NCKAP5: variants seen among roughly 807,000 people sequenced by gnomAD.
The protein encoded by NCKAP5 is nck-associated protein 5.
In NCKAP5, 92 loss-of-function variants were observed where a neutral mutation model predicts 167.0. That is an observed-to-expected ratio of 0.55 (90% CI 0.47 to 0.66). The LOEUF (loss-of-function observed/expected upper bound fraction) is 0.66, where lower values mean the gene tolerates loss of function less well. Among genes scored for constraint, NCKAP5 ranks in the 30% least tolerant of loss-of-function variants. The pLI, the probability that NCKAP5 is intolerant of heterozygous loss-of-function variation, is 0.00. For synonymous variants in NCKAP5, 891 were observed against 877.4 expected (o/e 1.02, Z -0.27); for missense variants, 2,378 against 2,315.0 (o/e 1.03, Z -0.56).
chr2:132,993,504 C>T (rs961073883), intron 7 of NCKAP5, among the ~76,000 whole-genome samples: 2 of 152,154 alleles, frequency 1.3e-5, no homozygotes, highest in African/African-American at 4.8e-5. Flanking sequence ...CTCTTTGGAC[C>T]TCTTTAGACT....
At chr2:132,932,068 C>T (rs115607441) in intron 8 of NCKAP5, among the ~76,000 whole-genome samples, 1,839 of 152,296 alleles carry the variant, frequency 0.012, 31 homozygotes, top group African/African-American at 0.042. Flanking sequence ...CCACTCAGGG[C>T]GCTCCTCACT....
At chr2:132,793,922 T>C (rs1027191875) in intron 12 of NCKAP5, among the ~76,000 whole-genome samples, 3 of 152,066 alleles carry the variant, frequency 2.0e-5, no homozygotes, top group African/African-American at 4.8e-5. Context: ...TCCCCTACAG[T>C]TTCCTTCGTC....
At chr2:132,825,250 CAT>C (rs757366797) in intron 11 of NCKAP5, among the ~76,000 whole-genome samples, 3 of 152,160 alleles carry the variant, frequency 2.0e-5, no homozygotes, top group Admixed American at 6.5e-5. Flanking sequence ...GCTAATGAAA[CAT>C]AGCATGTTCA....
intron 3 of NCKAP5, among the ~76,000 whole-genome samples, chr2:133,493,978 C>T (rs1681701138): frequency 6.6e-6 from 1 of 152,196 alleles, no homozygotes; most frequent in African/African-American, 2.4e-5. Context: ...GACTTTCTTG[C>T]TTGTCCAAGA....
In NCKAP5 at chr2:133,044,182, T is replaced by C. The variant is rs377732884; in HGVS notation, c.342-49943A>G. On this transcript the variant is annotated intron_variant, in intron 6 of 19. Transcript: ENST00000409261. ...ACAGGATATTTTTATGAATCTAAGG[T>C]TGTAAATATTCCTTAAGCAGAATCG... is the stretch of plus-strand genomic sequence containing the variant. Among the ~76,000 whole-genome samples the C allele has an allele frequency of 2.0e-5, 3 of 152,238 alleles. No homozygotes were observed. In the East Asian group the frequency reaches 5.8e-4, roughly 29 times the overall value.
intron 2 of NCKAP5, among the ~76,000 whole-genome samples, chr2:133,533,684 C>T (rs978865190): frequency 7.2e-5 from 11 of 152,102 alleles, no homozygotes; most frequent in Admixed American, 5.9e-4. Context: ...AATGTGGAAG[C>T]AATTATCATA....
chr2:132,757,345 T>C (rs1680636072), intron 16 of NCKAP5, among the ~76,000 whole-genome samples: 1 of 152,216 alleles, frequency 6.6e-6, no homozygotes, highest in African/African-American at 2.4e-5. Context: ...GATTTCTCTT[T>C]AGAAGCAGTA....
At chr2:132,856,106 T>C (rs901117558) in intron 11 of NCKAP5, among the ~76,000 whole-genome samples, 5 of 152,140 alleles carry the variant, frequency 3.3e-5, no homozygotes, top group African/African-American at 7.2e-5. Context: ...AAAGCTTGCA[T>C]AGACCACTGA....
chr2:133,162,944 C>T (rs2083857452), intron 5 of NCKAP5, among the ~76,000 whole-genome samples: 2 of 152,232 alleles, frequency 1.3e-5, no homozygotes, highest in African/African-American at 4.8e-5. Context: ...ATAAAGATGG[C>T]ACTAGAGAAC....
Position 133,007,635 on chromosome 2 carries a change from C to T in NCKAP5, c.342-13396G>A, listed in dbSNP as rs961034934. On this transcript the variant is annotated intron_variant, in intron 6 of 19. Coordinates refer to ENST00000409261, the MANE Select transcript of NCKAP5 (RefSeq NM_207363.3). Reference sequence around the variant, plus strand: ...GAGCAGCAGGGTAGTCACTTTTCTTCCATGGGTAGGGGGTCTATGTCCTGG... The same window carrying T: ...GAGCAGCAGGGTAGTCACTTTTCTTTCATGGGTAGGGGGTCTATGTCCTGG... 2.6e-5 allele frequency among the ~76,000 whole-genome samples: 4 copies of T among 152,098 alleles called. No homozygotes were observed. The South Asian group carries it at 8.3e-4, about 32-fold the overall frequency.
intron 3 of NCKAP5, among the ~76,000 whole-genome samples, chr2:133,312,233 T>C (rs1681288692): frequency 6.6e-6 from 1 of 152,190 alleles, no homozygotes. Context: ...ATGAGACCAT[T>C]GAAAAGCCTC....
chr2:133,025,173 G>T (rs1222371376), intron 6 of NCKAP5, among the ~76,000 whole-genome samples: 1 of 152,092 alleles, frequency 6.6e-6, no homozygotes, highest in Non-Finnish European at 1.5e-5. Flanking sequence ...ATCTTTTGTG[G>T]TTGAAGTATG....
At chr2:133,100,788 A>G (rs2081487073) in intron 6 of NCKAP5, among the ~76,000 whole-genome samples, 1 of 152,168 alleles carries the variant, frequency 6.6e-6, no homozygotes, top group Non-Finnish European at 1.5e-5. Flanking sequence ...GTCTCAAAAT[A>G]TTTCCTTACA....
At chr2:133,213,107 T>C (rs2086278526) in intron 5 of NCKAP5, among the ~76,000 whole-genome samples, 1 of 152,160 alleles carries the variant, frequency 6.6e-6, no homozygotes, top group African/African-American at 2.4e-5. Context: ...CAGACAGTCA[T>C]CTCTGATGTT....
chr2:133,645,223 A>G, the NCKAP5 span, among the ~76,000 whole-genome samples: 2 of 152,360 alleles, frequency 1.3e-5, no homozygotes, highest in Admixed American at 6.5e-5. Context: ...CAAAATGCTA[A>G]ATGTCAGAAA....
intron 3 of NCKAP5, among the ~76,000 whole-genome samples, chr2:133,354,873 T>G (rs1237865063): frequency 6.6e-6 from 1 of 152,114 alleles, no homozygotes; most frequent in Non-Finnish European, 1.5e-5. Flanking sequence ...ATTACCAGAA[T>G]CATTAACTAG....
chr2:133,536,086 TTGTC>T (rs1343425502), intron 2 of NCKAP5, among the ~76,000 whole-genome samples: 1 of 152,150 alleles, frequency 6.6e-6, no homozygotes, highest in African/African-American at 2.4e-5. Context: ...ATTCTGTAGG[TTGTC>T]TGTTTATTCT....
At chr2:132,931,802 G>A (rs549352986) in intron 8 of NCKAP5, among the ~76,000 whole-genome samples, 1 of 152,224 alleles carries the variant, frequency 6.6e-6, no homozygotes, top group Admixed American at 6.5e-5. Flanking sequence ...TTCCAATTGT[G>A]AGGACCCTGT....
At chr2:133,665,909 T>C in the NCKAP5 span, among the ~76,000 whole-genome samples, 1 of 150,584 alleles carries the variant, frequency 6.6e-6, no homozygotes, top group Admixed American at 6.6e-5. Context: ...TTGTTAATGG[T>C]AAATGGTGAT....
Sources: gnomAD v4.1 joint callset for allele counts (sites outside exome capture counted in the v4.1 genomes callset) on GRCh38, gnomAD v4.1.1 for gene constraint, MANE v1.5 for transcripts, NCBI Gene and HGNC (gene_info 2026-07-23, HGNC 2026-07-21) for gene names.